PRDM15: variants seen among roughly 807,000 people sequenced by gnomAD.
PRDM15 encodes PR domain zinc finger protein 15.
Under a neutral mutation model 128.6 loss-of-function variants are expected in PRDM15, and 64 were observed. That is an observed-to-expected ratio of 0.50 (90% CI 0.41 to 0.61). The LOEUF (loss-of-function observed/expected upper bound fraction) is 0.61. PRDM15 is among the 20% of genes least tolerant of loss of function. The pLI is 0.00. For synonymous variants in PRDM15, 615 were observed against 621.8 expected, an observed-to-expected ratio of 0.99 and a Z score of 0.16; for missense variants, 1,242 against 1,569.1, an observed-to-expected ratio of 0.79 and a Z score of 3.52.
chr21:41,801,756 T>C, intron 23 of PRDM15, 34 bp from the exon 24 acceptor site: 1 of 1,588,530 alleles, frequency 6.3e-7, no homozygotes, highest in Non-Finnish European at 8.6e-7. Flanking sequence ...AATCCGTTCA[T>C]TTTTGCAAAA....
chr21:41,822,501 C>A (rs1010409997), intron 14 of PRDM15, among the ~76,000 whole-genome samples: 2 of 152,222 alleles, frequency 1.3e-5, no homozygotes, highest in Non-Finnish European at 2.9e-5. Flanking sequence ...GAAGCAGCCA[C>A]GGTGGGAGAG....
intron 4 of PRDM15, among the ~76,000 whole-genome samples, chr21:41,855,611 C>T (rs182777150): frequency 9.2e-5 from 14 of 152,258 alleles, no homozygotes; most frequent in East Asian, 5.8e-4. Flanking sequence ...TCCCAGCTGG[C>T]GGCACGCTCT....
chr21:41,828,394 C>G lies in PRDM15; in HGVS notation c.1367-61G>C, dbSNP rs916183784. The G allele has an allele frequency of 1.9e-6, 3 of 1,575,592 alleles. No individual in the cohort carries two copies. Among genetic ancestry groups the G allele is most frequent in the East Asian group, 2.2e-5 (1 of 44,614 alleles). ...AGGTAAATAACATCTCACGCAGGCA[C>G]GCACGTGTGGCCTGAACGTCAATAA... On this transcript the variant is annotated intron_variant, in intron 11 of 23. Coordinates refer to ENST00000398548, the MANE Select transcript of PRDM15 (RefSeq NM_001040424.3). This position sits in a 1 kb window ranked among gnomAD's most constrained non-coding sequence, Gnocchi z 5.7.
intron 1 of PRDM15, chr21:41,878,737 C>T (rs143393748): frequency 0.12 from 180,260 of 1,555,918 alleles, 12,041 homozygotes; most frequent in Non-Finnish European, 0.14. Context: ...GGTCCAGGGA[C>T]CCCCCCGTGC....
rs762454554 is a variant in PRDM15 at position 41,810,284 on chromosome 21, G to C, written c.2522C>G (p.Thr841Ser). 6.2e-7 allele frequency: 1 copy of C among 1,613,600 alleles called. No individual in the cohort carries two copies. Among genetic ancestry groups the C allele is most frequent in the Non-Finnish European group, 8.5e-7 (1 of 1,179,962 alleles). ...TCSVCDKKYV[T>S]EYMLQKHVQL... ...AACGTGCTTCTGCAGCATGTACTCG[G>C]TCACGTACTTCTTGTCGCACACGGA... The change falls in exon 21 of 24, where the codon ACC becomes AGC. Residue 841 changes from threonine to serine, a missense_variant. This residue lies in a region of PRDM15 where 602 missense variants were observed against 788.3 expected (regional missense o/e 0.76). Coordinates refer to ENST00000398548, the MANE Select transcript of PRDM15 (RefSeq NM_001040424.3). This position sits in a 1 kb window ranked among gnomAD's most constrained non-coding sequence, Gnocchi z 6.4.
At chr21:41,857,713 C>T (rs1177588194) in intron 3 of PRDM15, among the ~76,000 whole-genome samples, 13 of 152,332 alleles carry the variant, frequency 8.5e-5, no homozygotes, top group Admixed American at 6.5e-4. Flanking sequence ...TGAGCCAAGA[C>T]TGTGCCACTG....
At chr21:41,853,147 G>T (rs1257736339) in intron 5 of PRDM15, among the ~76,000 whole-genome samples, 1 of 152,236 alleles carries the variant, frequency 6.6e-6, no homozygotes, top group Non-Finnish European at 1.5e-5. Flanking sequence ...TGACGTGAAG[G>T]CACTGGGTTG....
intron 1 of PRDM15, among the ~76,000 whole-genome samples, chr21:41,867,941 C>A (rs542314915): frequency 8.6e-5 from 13 of 151,868 alleles, no homozygotes; most frequent in South Asian, 4.2e-4. Flanking sequence ...CCTGTAATCC[C>A]AGCTACTTGG....
intron 1 of PRDM15, among the ~76,000 whole-genome samples, chr21:41,861,125 G>A (rs765224299): frequency 1.3e-5 from 2 of 152,072 alleles, no homozygotes; most frequent in African/African-American, 4.8e-5. Context: ...ACAAGCCATC[G>A]TGCCCACCTA....
intron 5 of PRDM15, among the ~76,000 whole-genome samples, chr21:41,848,411 T>TG (rs1568979841): frequency 6.6e-6 from 1 of 152,176 alleles, no homozygotes; most frequent in Non-Finnish European, 1.5e-5. Context: ...GAAAACGGTG[T>TG]GGGGGGCACC....
At position 41,832,703 on chromosome 21, in the gene PRDM15, GC is replaced by G. The variant is rs980714271; in HGVS notation, c.1366+2733del. Among the ~76,000 whole-genome samples the G allele has an allele frequency of 6.6e-6, 1 of 152,124 alleles. No individual in the cohort carries two copies. Among genetic ancestry groups the G allele is most frequent in the African/African-American group, 2.4e-5 (1 of 41,416 alleles). ...GGCAGGTACCAACCAATACAAGTGA[GC>G]CCCCCTCCCAGGCAGGTGCAAATCA... On this transcript the variant is annotated intron_variant, in intron 11 of 23. Transcript: ENST00000398548. The surrounding 1 kb of genome is among the most constrained non-coding windows in gnomAD (Gnocchi z 4.2).
intron 4 of PRDM15, among the ~76,000 whole-genome samples, chr21:41,855,909 T>C (rs1184004586): frequency 1.9e-4 from 2 of 10,772 alleles, no homozygotes; most frequent in Non-Finnish European, 3.2e-4. Flanking sequence ...TTCCTTCCTT[T>C]CCTTCCCTCC....
intron 1 of PRDM15, among the ~76,000 whole-genome samples, chr21:41,870,427 G>A (rs567710171): frequency 2.6e-5 from 4 of 152,174 alleles, no homozygotes; most frequent in East Asian, 3.9e-4. Context: ...CATCTTTCCC[G>A]CTGGGCACAC....
chr21:41,862,048 G>A lies in PRDM15; in HGVS notation c.-9-1676C>T. The A allele has an allele frequency of 2.8e-6, 4 of 1,441,916 alleles. No homozygotes were observed. The highest frequency in any genetic ancestry group is 3.9e-6 in the Non-Finnish European group (4 of 1,030,160). 89.3% of individuals were successfully genotyped at this position (1,441,916 alleles called of 1,614,324 possible). A position where few individuals can be genotyped will look rare whatever the true frequency, so the allele number is the denominator to read the frequency against. On this transcript the variant is annotated intron_variant, in intron 1 of 23. Coordinates refer to ENST00000398548, the MANE Select transcript of PRDM15 (RefSeq NM_001040424.3). This position sits in a 1 kb window ranked among gnomAD's most constrained non-coding sequence, Gnocchi z 4.1. ...TCGGCGCAAATAGGGACCAGTCTGGGATGGGGGCTCAGCTGGGCAGTGAGC... is the reference window on the plus strand; with the variant it reads ...TCGGCGCAAATAGGGACCAGTCTGGAATGGGGGCTCAGCTGGGCAGTGAGC...
chr21:41,810,921 C>T lies in PRDM15; in HGVS notation c.2393-85G>A. The T allele has an allele frequency of 8.0e-7, 1 of 1,247,952 alleles. No homozygotes were observed. The highest frequency in any genetic ancestry group is 1.2e-6 in the Non-Finnish European group (1 of 851,724). The allele number at this position is 1,247,952 out of a possible 1,614,324, so 77.3% of individuals were successfully genotyped here. A position where few individuals can be genotyped will look rare whatever the true frequency, so the allele number is the denominator to read the frequency against. ...GGCATGTCTTCTCCCTGACACGTTC[C>T]AGGCACTGTAGGGCCTTCAGGAGAA... On this transcript the variant is annotated intron_variant, in intron 19 of 23. Transcript: ENST00000398548. This position sits in a 1 kb window ranked among gnomAD's most constrained non-coding sequence, Gnocchi z 6.4.
rs542136902 is a variant in PRDM15, at chr21:41,810,550, T to A, written c.2476+203A>T. ...CAGCAGCTGCATCACGGAACCAATA[T>A]GAGAAAATTCAAGAAGGGATACTTG... On this transcript the variant is annotated intron_variant, in intron 20 of 23. Transcript: ENST00000398548. The surrounding 1 kb of genome is among the most constrained non-coding windows in gnomAD (Gnocchi z 6.4). 6.2e-6 allele frequency: 4 copies of A among 645,492 alleles called. No homozygotes were observed. The African/African-American group carries it at 7.3e-5, about 12-fold the overall frequency. 40.0% of individuals were successfully genotyped at this position (645,492 alleles called of 1,614,324 possible). A position where few individuals can be genotyped will look rare whatever the true frequency, so the allele number is the denominator to read the frequency against.
Position 41,862,027 on chromosome 21 carries a change from C to A in PRDM15, c.-9-1655G>T. On this transcript the variant is annotated intron_variant, in intron 1 of 23. Coordinates refer to ENST00000398548, the MANE Select transcript of PRDM15 (RefSeq NM_001040424.3). This position sits in a 1 kb window ranked among gnomAD's most constrained non-coding sequence, Gnocchi z 4.1. ...CAGTTCCTGTGGATGGGCACCTCGG[C>A]GCAAATAGGGACCAGTCTGGGATGG... 1.3e-6 allele frequency: 2 copies of A among 1,589,408 alleles called. No homozygotes were observed. The highest frequency in any genetic ancestry group is 1.7e-6 in the Non-Finnish European group (2 of 1,160,686).
rs762998008 is a variant in PRDM15, at chr21:41,861,706, C to T, written c.-9-1334G>A. 4 of 1,614,146 alleles carry T rather than the reference C, an allele frequency of 2.5e-6. No individual in the cohort carries two copies. In the South Asian group the frequency reaches 3.3e-5, roughly 13 times the overall value. On this transcript the variant is annotated intron_variant, in intron 1 of 23. Transcript: ENST00000398548. The stretch of plus-strand genomic sequence containing the variant: ...AGCAGCTTGAAGGGTGAAAAGCAGA[C>T]CGTGCAAAACTCATATGGAAACTCA...
intron 22 of PRDM15, 141 bp from the exon 23 acceptor site, chr21:41,803,062 T>C (rs1436257547): frequency 7.2e-6 from 5 of 697,264 alleles, no homozygotes; most frequent in Non-Finnish European, 1.3e-5. Context: ...CAAGAAACAG[T>C]GACCACAGCT....
Sources: gnomAD v4.1 joint callset for allele counts (sites outside exome capture counted in the v4.1 genomes callset) on GRCh38, gnomAD v4.1.1 for gene constraint, gnomAD v4.1.1 regional missense constraint, Gnocchi (gnomAD v3.1) non-coding constraint, MANE v1.5 for transcripts, NCBI Gene and HGNC (gene_info 2026-07-23, HGNC 2026-07-21) for gene names.